ERBB2: variants seen among roughly 807,000 people sequenced by gnomAD.
ERBB2 encodes the protein erb-b2 receptor tyrosine kinase 2, also known as receptor tyrosine-protein kinase erbB-2.
Under a neutral mutation model 149.0 loss-of-function variants are expected in ERBB2, and 61 were observed. The ratio of observed to expected loss-of-function variants is 0.41; its 90% CI spans 0.33 to 0.51. ERBB2 has a LOEUF of 0.51. Ranked by LOEUF, ERBB2 falls within the 20% of genes least tolerant of loss-of-function variation. The pLI is 0.25. For synonymous variants in ERBB2, 633 were observed against 678.8 expected, an observed-to-expected ratio of 0.93 and a Z score of 1.05; for missense variants, 1,205 against 1,655.1, an observed-to-expected ratio of 0.73 and a Z score of 4.72.
intron 19 of ERBB2, among the ~76,000 whole-genome samples, chr17:39,724,272 ATT>A (rs71149796): frequency 6.5e-5 from 5 of 76,988 alleles, no homozygotes; most frequent in Admixed American, 1.5e-4. Context: ...GCGCCCGCTA[ATT>A]TTTTTTTTTT....
In ERBB2 at chr17:39,715,367, C is replaced by T; in HGVS notation, c.1222+8C>T. On this transcript the variant is annotated splice_region_variant and intron_variant, in intron 10 of 26. Transcript: ENST00000269571. Reference sequence around the variant, plus strand: ...CTCTGGAAGAGATCACAGGTGGGCTCTGTCTCTGCATCCTGTTCTGCAGGG... The same window carrying T: ...CTCTGGAAGAGATCACAGGTGGGCTTTGTCTCTGCATCCTGTTCTGCAGGG... The T allele has an allele frequency of 1.2e-6, 2 of 1,614,050 alleles. No homozygotes were observed. Among genetic ancestry groups the T allele is most frequent in the African/African-American group, 1.3e-5 (1 of 75,066 alleles).
chr17:39,709,156 G>C, intron 3 of ERBB2, 162 bp from the exon 4 acceptor site: 4 of 754,728 alleles, frequency 5.3e-6, no homozygotes, highest in Non-Finnish European at 4.4e-6. Flanking sequence ...CGGGTGTGGT[G>C]GTGGTGGGAC....
intron 15 of ERBB2, among the ~76,000 whole-genome samples, chr17:39,718,671 T>C (rs1453526500): frequency 2.6e-5 from 4 of 151,946 alleles, no homozygotes; most frequent in South Asian, 4.2e-4. Context: ...GGTGATGCTG[T>C]TCTGCACTTT....
intron 12 of ERBB2, 148 bp from the exon 13 acceptor site, chr17:39,716,153 G>A: frequency 1.9e-6 from 2 of 1,038,152 alleles, no homozygotes; most frequent in Non-Finnish European, 2.7e-6. Context: ...CTCTGTTTCT[G>A]AAATCTCAGA....
Position 39,708,527 on chromosome 17 carries a change from C to A in ERBB2, c.432C>A (p.Ser144Arg), listed in dbSNP as rs2145447469. ...GCCTGCGGGAGCTGCAGCTTCGAAG[C>A]CTCACAGGTGGCCTTCACCGTCATT... is the stretch of plus-strand genomic sequence containing the variant. ...PGGLRELQLR[S>R]LTEILKGGVL... Residue 144 changes from serine to arginine, a missense_variant, in exon 3 of 27, where the codon AGC (serine) becomes AGA (arginine). Transcript: ENST00000269571. 6.2e-7 allele frequency: 1 copy of A among 1,613,462 alleles called. No individual in the cohort carries two copies. The highest frequency in any genetic ancestry group is 1.7e-4 in the Middle Eastern group (1 of 6,060).
chr17:39,701,914 G>A (rs1368280849), intron 1 of ERBB2, among the ~76,000 whole-genome samples: 2 of 152,146 alleles, frequency 1.3e-5, no homozygotes, highest in East Asian at 3.9e-4. Context: ...GATGAGAAGG[G>A]TGAGGCCATA....
chr17:39,692,751 G>A (rs1188835998), upstream of ERBB2, among the ~76,000 whole-genome samples: 2 of 151,936 alleles, frequency 1.3e-5, no homozygotes, highest in African/African-American at 4.8e-5. Flanking sequence ...TACCGTCTGT[G>A]TATATAATCA....
upstream of ERBB2, among the ~76,000 whole-genome samples, chr17:39,691,437 C>G (rs9898472): frequency 0.071 from 10,683 of 150,790 alleles, 1,251 homozygotes; most frequent in African/African-American, 0.25. Context: ...CCAGCTACTC[C>G]GGAAGCTGAG....
At chr17:39,716,037 C>G in intron 12 of ERBB2, 98 bp downstream of exon 12, 1 of 1,264,184 alleles carries the variant, frequency 7.9e-7, no homozygotes, top group Non-Finnish European at 1.1e-6. Flanking sequence ...GTGCAGACTG[C>G]CCGTCTCTGT....
chr17:39,712,361 G>A lies in ERBB2; in HGVS notation c.1061G>A (p.Arg354Lys). The A allele has an allele frequency of 6.2e-7, 1 of 1,613,992 alleles. No homozygotes were observed. Among genetic ancestry groups the A allele is most frequent in the South Asian group, 1.1e-5 (1 of 91,020 alleles). Residue 354 changes from arginine (R) to lysine (K), a missense_variant, in exon 9 of 27, where the codon AGG becomes AAG. Physicochemically the swap from Arg to Lys is conservative, Grantham distance 26. Coordinates refer to ENST00000269571, the MANE Select transcript of ERBB2 (RefSeq NM_004448.4). The part of the protein sequence containing the change: ...GLGMEHLREV[R>K]AVTSANIQEF... ...GGCATGGAGCACTTGCGAGAGGTGA[G>A]GGCAGTTACCAGTGCCAATATCCAG... is the stretch of plus-strand genomic sequence containing the variant.
intron 4 of ERBB2, 96 bp from the exon 5 acceptor site, chr17:39,709,717 G>T (rs375300751): frequency 3.7e-5 from 46 of 1,257,334 alleles, no homozygotes; most frequent in East Asian, 1.2e-4. Context: ...AGTTGGCCTC[G>T]TGGCCTCTGC....
Position 39,723,226 on chromosome 17 carries a change from G to C in ERBB2, c.1947-93G>C, listed in dbSNP as rs2059544841. The C allele has an allele frequency of 7.4e-7, 1 of 1,358,572 alleles. No individual in the cohort carries two copies. The allele number at this position is 1,358,572 out of a possible 1,614,324, so 84.2% of individuals were successfully genotyped here. On this transcript the variant is annotated intron_variant, in intron 16 of 26. Coordinates refer to ENST00000269571, the MANE Select transcript of ERBB2 (RefSeq NM_004448.4). The surrounding 1 kb of genome is among the most constrained non-coding windows in gnomAD (Gnocchi z 6.2). ...GGTCACCCTTCCGACTTCCCTTTCC[G>C]AATGCCAAACACCTTCATGTCCCCC...
At chr17:39,721,087 T>C (rs1326146719) in intron 16 of ERBB2, among the ~76,000 whole-genome samples, 1 of 152,096 alleles carries the variant, frequency 6.6e-6, no homozygotes, top group African/African-American at 2.4e-5. Context: ...GCTGGGACTA[T>C]AGGAGCGTGC....
At chr17:39,690,872 G>A (rs2057679601), upstream of ERBB2, among the ~76,000 whole-genome samples, 1 of 152,114 alleles carries the variant, frequency 6.6e-6, no homozygotes, top group Admixed American at 6.6e-5. Context: ...AGAGTGTGCT[G>A]GACAGGCACA....
intron 1 of ERBB2, chr17:39,688,679 C>A (rs939497826): frequency 2.0e-5 from 3 of 152,402 alleles, no homozygotes; most frequent in Non-Finnish European, 4.4e-5. Flanking sequence ...ATCACTCACT[C>A]TTCTTTTTTC....
Position 39,703,655 on chromosome 17 carries a change from C to T in ERBB2, c.74-3335C>T, listed in dbSNP as rs538114820. Among the ~76,000 whole-genome samples, 160 of 152,330 alleles carry T rather than the reference C, an allele frequency of 1.1e-3. 1 individual carries two copies. The highest frequency in any genetic ancestry group is 1.6e-3 in the Non-Finnish European group (111 of 68,038). Reference sequence around the variant, plus strand: ...GTACTGCAGGGCATAGAGATGAATCCGATTTAGCTTCTGCCCTGGAGGTCT... The same window carrying T: ...GTACTGCAGGGCATAGAGATGAATCTGATTTAGCTTCTGCCCTGGAGGTCT... On this transcript the variant is annotated intron_variant, in intron 1 of 26. Coordinates refer to ENST00000269571, the MANE Select transcript of ERBB2 (RefSeq NM_004448.4).
chr17:39,691,487 T>G (rs1216689435), upstream of ERBB2, among the ~76,000 whole-genome samples: 1 of 149,456 alleles, frequency 6.7e-6, no homozygotes, highest in East Asian at 2.0e-4. Flanking sequence ...GAGGTTGCAG[T>G]GAGCCTGGAT....
upstream of ERBB2, among the ~76,000 whole-genome samples, chr17:39,695,792 A>G: frequency 6.8e-6 from 1 of 146,388 alleles, no homozygotes; most frequent in East Asian, 2.1e-4. Context: ...ATGGCTGGTC[A>G]ATGATTGACT....
At chr17:39,695,129 C>G (rs901315220), upstream of ERBB2, 1 of 152,536 alleles carries the variant, frequency 6.6e-6, no homozygotes, top group Non-Finnish European at 1.5e-5. Flanking sequence ...GCCATGCCTG[C>G]GCAGGCAGTG....
Sources: gnomAD v4.1 joint callset for allele counts (sites outside exome capture counted in the v4.1 genomes callset) on GRCh38, gnomAD v4.1.1 for gene constraint, Gnocchi (gnomAD v3.1) non-coding constraint, MANE v1.5 for transcripts, NCBI Gene and HGNC (gene_info 2026-07-23, HGNC 2026-07-21) for gene names.